Variants in SLC35D4 observed in about 807,000 individuals in gnomAD.
SLC35D4 encodes solute carrier family 35 member D4.
the SLC35D4 span, among the ~76,000 whole-genome samples, chr18:23,321,743 C>G: frequency 6.6e-6 from 1 of 152,178 alleles, no homozygotes. Context: ...GTGTGAGCCA[C>G]CACACCTGGC....
the SLC35D4 span, among the ~76,000 whole-genome samples, chr18:23,372,584 T>C: frequency 1.3e-5 from 2 of 152,194 alleles, no homozygotes; most frequent in Admixed American, 1.3e-4. Context: ...CACAGAAATG[T>C]TGTGAGATTT....
chr18:23,383,873 C>A, the SLC35D4 span, among the ~76,000 whole-genome samples: 1 of 151,884 alleles, frequency 6.6e-6, no homozygotes, highest in African/African-American at 2.4e-5. Flanking sequence ...ACAGGGCCAC[C>A]TCCAAGGAGC....
the SLC35D4 span, among the ~76,000 whole-genome samples, chr18:23,362,721 A>T: frequency 5.3e-5 from 8 of 152,248 alleles, no homozygotes; most frequent in African/African-American, 1.9e-4. Context: ...ACCTAACCCC[A>T]GTCTCCCTCT....
chr18:23,430,725 T>C, the SLC35D4 span: 1 of 1,495,424 alleles, frequency 6.7e-7, no homozygotes, highest in African/African-American at 1.4e-5. Flanking sequence ...GATAGAAAAC[T>C]GACAAACCAT....
the SLC35D4 span, among the ~76,000 whole-genome samples, chr18:23,239,762 A>G: frequency 6.6e-6 from 1 of 152,218 alleles, no homozygotes; most frequent in East Asian, 1.9e-4. Context: ...TGGGGATGTC[A>G]GAGAGTAAAC....
chr18:23,289,609 C>T, the SLC35D4 span, among the ~76,000 whole-genome samples: 1 of 152,180 alleles, frequency 6.6e-6, no homozygotes. Flanking sequence ...CACTTTACCA[C>T]TATTTCATTT....
the SLC35D4 span, chr18:23,368,786 T>G: frequency 7.3e-7 from 1 of 1,360,624 alleles, no homozygotes; most frequent in East Asian, 2.4e-5. Context: ...ATAAATGAAG[T>G]AGCAGAACTA....
the SLC35D4 span, among the ~76,000 whole-genome samples, chr18:23,267,059 T>C: frequency 6.6e-6 from 1 of 152,210 alleles, no homozygotes; most frequent in Non-Finnish European, 1.5e-5. Context: ...AAACCGCATC[T>C]GCATGGGGCC....
At chr18:23,260,201 G>T in the SLC35D4 span, 1 of 152,174 alleles carries the variant, frequency 6.6e-6, no homozygotes, top group African/African-American at 2.4e-5. Flanking sequence ...TTTCTTGCCC[G>T]CTAATAAAAC....
chr18:23,253,578 C>A, the SLC35D4 span: 2 of 654,704 alleles, frequency 3.1e-6, no homozygotes, highest in South Asian at 2.0e-5. Context: ...CCATGCATAA[C>A]GCAGCCTTCA....
chr18:23,386,722 C>CAAA, the SLC35D4 span, among the ~76,000 whole-genome samples: 7 of 108,434 alleles, frequency 6.5e-5, no homozygotes, highest in Admixed American at 2.0e-4. Context: ...AAACTCTCAC[C>CAAA]AAAAAAAAAA....
At chr18:23,254,546 T>C in the SLC35D4 span, among the ~76,000 whole-genome samples, 3 of 152,202 alleles carry the variant, frequency 2.0e-5, no homozygotes, top group African/African-American at 4.8e-5. Flanking sequence ...AGAGGAGTAG[T>C]ATCTTGGCTG....
At chr18:23,371,992 G>C in the SLC35D4 span, among the ~76,000 whole-genome samples, 1 of 124,248 alleles carries the variant, frequency 8.0e-6, no homozygotes, top group African/African-American at 3.2e-5. Context: ...CTGGAGTGCA[G>C]TGGCGGGATC....
chr18:23,244,406 A>G, the SLC35D4 span, among the ~76,000 whole-genome samples: 1 of 152,206 alleles, frequency 6.6e-6, no homozygotes, highest in African/African-American at 2.4e-5. Context: ...GGTATTTTGA[A>G]TTCGATGGGT....
chr18:23,261,845 ACGGAATGC>A, the SLC35D4 span, among the ~76,000 whole-genome samples: 6 of 152,372 alleles, frequency 3.9e-5, no homozygotes, highest in Admixed American at 6.5e-5. Flanking sequence ...GTACATTTAT[ACGGAATGC>A]TTTTGCACCA....
the SLC35D4 span, among the ~76,000 whole-genome samples, chr18:23,317,154 TACACACAC>T: frequency 0.013 from 1,876 of 149,892 alleles, 22 homozygotes; most frequent in Non-Finnish European, 0.018. Context: ...TGGGAGAAGT[TACACACAC>T]ACACACACAC....
the SLC35D4 span, chr18:23,371,448 CA>C: frequency 6.3e-7 from 1 of 1,594,010 alleles, no homozygotes. Flanking sequence ...AATTATAGCC[CA>C]AAAATATCCA....
At chr18:23,340,457 C>T in the SLC35D4 span, among the ~76,000 whole-genome samples, 3 of 152,126 alleles carry the variant, frequency 2.0e-5, no homozygotes, top group Non-Finnish European at 2.9e-5. Context: ...GCCTAGGCTG[C>T]GGCATTTGAG....
chr18:23,411,475 GAA>G, the SLC35D4 span, among the ~76,000 whole-genome samples: 1 of 128,636 alleles, frequency 7.8e-6, no homozygotes, highest in East Asian at 2.4e-4. Context: ...AAAAAAGAAA[GAA>G]AGAGATAGAA....
Sources: gnomAD v4.1 joint callset for allele counts (sites outside exome capture counted in the v4.1 genomes callset) on GRCh38, gnomAD v4.1.1 for gene constraint, MANE v1.5 for transcripts, NCBI Gene and HGNC (gene_info 2026-07-23, HGNC 2026-07-21) for gene names.